TNIK: variants seen among roughly 807,000 people sequenced by gnomAD.
The protein encoded by TNIK is TRAF2 and NCK interacting kinase, also known as TRAF2 and NCK-interacting protein kinase.
TNIK carries 49 observed loss-of-function variants against 191.3 expected under a neutral mutation model. The observed-to-expected ratio is 0.26, with a 90% CI of 0.20 to 0.32. The LOEUF is 0.32. TNIK is among the 10% of genes least tolerant of loss of function. The pLI is 1.00. For missense variants in TNIK, 1,155 were observed against 1,702.3 expected, an observed-to-expected ratio of 0.68 and a Z score of 5.66; for synonymous variants, 594 against 600.9, an observed-to-expected ratio of 0.99 and a Z score of 0.17.
intron 12 of TNIK, among the ~76,000 whole-genome samples, chr3:171,150,302 A>C (rs1576970873): frequency 1.3e-5 from 2 of 152,208 alleles, no homozygotes; most frequent in Non-Finnish European, 1.5e-5. Context: ...CCATTTTATA[A>C]ATGGTCAAAC....
intron 12 of TNIK, among the ~76,000 whole-genome samples, chr3:171,151,715 C>T (rs1732455618): frequency 6.6e-6 from 1 of 152,326 alleles, no homozygotes; most frequent in Admixed American, 6.5e-5. Context: ...AACCAAAATA[C>T]AATTTCACTC....
chr3:171,066,777 TA>T, intron 30 of TNIK, 42 bp from the exon 31 acceptor site: 1 of 1,582,744 alleles, frequency 6.3e-7, no homozygotes. Flanking sequence ...TTTTAAAAAA[TA>T]AAACACCTTG....
Position 171,460,225 on chromosome 3 carries a change from A to G in TNIK, c.-162T>C. 1.1e-6 allele frequency: 1 copy of G among 872,230 alleles called. No homozygotes were observed. Among genetic ancestry groups the G allele is most frequent in the Non-Finnish European group, 1.8e-6 (1 of 570,434 alleles). The allele number at this position is 872,230 out of a possible 1,614,324, so 54.0% of individuals were successfully genotyped here. A position where few individuals can be genotyped will look rare whatever the true frequency, so the allele number is the denominator to read the frequency against. ...CCCAGCCCCACAGCGCCGGATCCCG[A>G]TCCTCCGCGCGTCGGTCCGCCGGGT... On this transcript the variant is annotated 5_prime_UTR_variant, in exon 1 of 33. Coordinates refer to ENST00000436636, the MANE Select transcript of TNIK (RefSeq NM_015028.4). This position sits in a 1 kb window ranked among gnomAD's most constrained non-coding sequence, Gnocchi z 6.8.
intron 2 of TNIK, among the ~76,000 whole-genome samples, chr3:171,323,694 T>C (rs1560427826): frequency 1.3e-5 from 2 of 151,776 alleles, no homozygotes; most frequent in African/African-American, 4.9e-5. Context: ...TTCAGTATCA[T>C]CAGATTGAAA....
At chr3:171,357,914 G>A (rs1308728290) in intron 2 of TNIK, among the ~76,000 whole-genome samples, 1 of 152,130 alleles carries the variant, frequency 6.6e-6, no homozygotes, top group Non-Finnish European at 1.5e-5. Context: ...GGAGGCAGAG[G>A]TCATGTCATA....
chr3:171,148,885 C>T (rs976551368), intron 12 of TNIK, among the ~76,000 whole-genome samples: 2 of 152,050 alleles, frequency 1.3e-5, no homozygotes, highest in African/African-American at 4.8e-5. Flanking sequence ...GCCTCAAGCC[C>T]ACGGACATAC....
chr3:171,147,780 C>T (rs529307020), intron 12 of TNIK, among the ~76,000 whole-genome samples: 4 of 152,292 alleles, frequency 2.6e-5, no homozygotes, highest in Admixed American at 2.6e-4. Flanking sequence ...GAGGCACATC[C>T]AGGCCAATAT....
intron 1 of TNIK, among the ~76,000 whole-genome samples, chr3:171,427,452 G>A (rs1724786465): frequency 1.3e-5 from 2 of 151,734 alleles, no homozygotes; most frequent in African/African-American, 2.4e-5. Flanking sequence ...TAGCTTATAC[G>A]CTTATTAACC....
intron 3 of TNIK, among the ~76,000 whole-genome samples, chr3:171,215,265 C>A (rs185119423): frequency 1.3e-5 from 2 of 152,232 alleles, no homozygotes; most frequent in African/African-American, 4.8e-5. Flanking sequence ...TGCTTTTAAG[C>A]CACTGACCAC....
chr3:171,161,409 T>C, intron 10 of TNIK, 73 bp from the exon 11 acceptor site: 1 of 1,352,294 alleles, frequency 7.4e-7, no homozygotes, highest in Non-Finnish European at 1.0e-6. Context: ...CCGTCTCTTA[T>C]ATATAAATAA....
At chr3:171,198,924 G>T (rs1384655480) in intron 4 of TNIK, among the ~76,000 whole-genome samples, 4 of 152,076 alleles carry the variant, frequency 2.6e-5, no homozygotes, top group African/African-American at 4.8e-5. Context: ...TACATCCATT[G>T]CTCCTGTATC....
chr3:171,109,183 T>C (rs888929822), intron 19 of TNIK, among the ~76,000 whole-genome samples: 9 of 152,192 alleles, frequency 5.9e-5, no homozygotes, highest in Admixed American at 5.2e-4. Flanking sequence ...TTAGGTGTTT[T>C]AGAGATGGGG....
At chr3:171,428,944 C>A (rs1725000696) in intron 1 of TNIK, among the ~76,000 whole-genome samples, 1 of 152,206 alleles carries the variant, frequency 6.6e-6, no homozygotes, top group Admixed American at 6.5e-5. Context: ...CACTCATAGT[C>A]TTTATGACTG....
At chr3:171,094,292 G>A (rs1253966598) in intron 22 of TNIK, among the ~76,000 whole-genome samples, 11 of 151,834 alleles carry the variant, frequency 7.2e-5, no homozygotes, top group Non-Finnish European at 1.5e-4. Context: ...CCACCACCAC[G>A]CCCAGCTAAT....
In TNIK at chr3:171,101,445, TTA is replaced by T; in HGVS notation, c.2591+2_2591+3del. ...GGTCTACACTTTAAAAGTAGTTCTC[TTA>T]CATCAGTCTGGGTATGTCGCTGACA... is the stretch of plus-strand genomic sequence containing the variant. On this transcript the variant is annotated splice_donor_variant and splice_donor_region_variant and intron_variant, in intron 22 of 32. Transcript: ENST00000436636. LOFTEE classifies it high-confidence loss of function. The T allele has an allele frequency of 6.3e-7, 1 of 1,597,510 alleles. No homozygotes were observed. Among genetic ancestry groups the T allele is most frequent in the Non-Finnish European group, 8.5e-7 (1 of 1,174,934 alleles).
rs575907209 is a variant in TNIK, at chr3:171,169,759, A to G, written c.774-2489T>C. Among the ~76,000 whole-genome samples the G allele has an allele frequency of 9.2e-5, 14 of 152,360 alleles. No homozygotes were observed. The South Asian group carries it at 1.0e-3, about 11-fold the overall frequency. Reference sequence around the variant, plus strand: ...AATGGAATAGTGTTCAAGTTTAATGAAATTAGTTATTAAACAGAGTACTTT... The same window carrying G: ...AATGGAATAGTGTTCAAGTTTAATGGAATTAGTTATTAAACAGAGTACTTT... On this transcript the variant is annotated intron_variant, in intron 9 of 32. Transcript: ENST00000436636.
chr3:171,074,689 C>T (rs190650278), intron 28 of TNIK, among the ~76,000 whole-genome samples: 3 of 152,034 alleles, frequency 2.0e-5, no homozygotes, highest in African/African-American at 7.2e-5. Flanking sequence ...CTTGGATATA[C>T]AATTTGCTTT....
intron 12 of TNIK, among the ~76,000 whole-genome samples, chr3:171,144,055 A>T (rs554511149): frequency 6.6e-6 from 1 of 152,352 alleles, no homozygotes; most frequent in Non-Finnish European, 1.5e-5. Flanking sequence ...AATTATACAT[A>T]ATGAAGATAG....
rs895809432 is a variant in TNIK, at chr3:171,353,218, T to G, written c.123+16402A>C. On this transcript the variant is annotated intron_variant, in intron 2 of 32. Transcript: ENST00000436636. ...ATTAAAGGTTAGATGACTGAACTCT[T>G]GCACTGAGCAGTCGACCCCACCATG... 2.0e-5 allele frequency among the ~76,000 whole-genome samples: 3 copies of G among 152,218 alleles called. No individual in the cohort carries two copies. The East Asian group carries it at 5.8e-4, about 29-fold the overall frequency.
Sources: allele counts gnomAD v4.1 joint callset (sites outside exome capture counted in the v4.1 genomes callset), GRCh38; gene constraint gnomAD v4.1.1; non-coding constraint Gnocchi (gnomAD v3.1); transcripts MANE v1.5; gene names NCBI Gene and HGNC (gene_info 2026-07-23, HGNC 2026-07-21).